WDR33: variants seen among roughly 807,000 people sequenced by gnomAD.
The protein encoded by WDR33 is WD repeat domain 33.
Under a neutral mutation model 164.9 loss-of-function variants are expected in WDR33, and 47 were observed. That is an observed-to-expected ratio of 0.29 (90% CI 0.23 to 0.36). The LOEUF (loss-of-function observed/expected upper bound fraction) is 0.36. Ranked by LOEUF, WDR33 falls within the 10% of genes least tolerant of loss-of-function variation. WDR33 has a pLI of 1.00. For missense variants in WDR33, 1,137 were observed against 1,754.1 expected (o/e 0.65, Z 6.28); for synonymous variants, 505 against 589.0 (o/e 0.86, Z 2.06).
At chr2:127,745,276 C>T (rs1687136306) in intron 7 of WDR33, among the ~76,000 whole-genome samples, 1 of 152,190 alleles carries the variant, frequency 6.6e-6, no homozygotes, top group Middle Eastern at 3.4e-3. Context: ...TCGATCCTTC[C>T]CAGAGAGAAT....
chr2:127,780,569 A>G (rs1688337325), intron 1 of WDR33, among the ~76,000 whole-genome samples: 1 of 152,220 alleles, frequency 6.6e-6, no homozygotes, highest in Admixed American at 6.5e-5. Flanking sequence ...AGCTGTTTAA[A>G]TAAGTAGGTT....
rs991305954 is a variant in WDR33 at position 127,762,423 on chromosome 2, C to T, written c.724+639G>A. On this transcript the variant is annotated intron_variant, in intron 7 of 21. Coordinates refer to ENST00000322313, the MANE Select transcript of WDR33 (RefSeq NM_018383.5). ...GATGTACTGTTAATATTTCAACAGT[C>T]CCACTTTATAAAGTCCAATATTCTA... 5.1e-6 allele frequency: 4 copies of T among 777,632 alleles called. No individual in the cohort carries two copies. In the African/African-American group the frequency reaches 7.6e-5, roughly 15 times the overall value. The allele number at this position is 777,632 out of a possible 1,614,324, so 48.2% of individuals were successfully genotyped here.
At chr2:127,792,696 T>A (rs895347682) in intron 1 of WDR33, among the ~76,000 whole-genome samples, 2 of 151,440 alleles carry the variant, frequency 1.3e-5, no homozygotes, top group Non-Finnish European at 3.0e-5. Flanking sequence ...AAAAAAGGTA[T>A]TATTACAAAT....
chr2:127,712,398 AAG>A lies in WDR33; in HGVS notation c.3308+1183_3308+1184del, dbSNP rs1189815694. The stretch of plus-strand genomic sequence containing the variant: ...CAACAGAGCAAGACTCCGTCTCAAG[AAG>A]AAAAAAAAAAAAAAAGAAATGGGAT... On this transcript the variant is annotated intron_variant, in intron 18 of 21. Transcript: ENST00000322313. This position sits in a 1 kb window ranked among gnomAD's most constrained non-coding sequence, Gnocchi z 4.0. 3.3e-5 allele frequency among the ~76,000 whole-genome samples: 5 copies of A among 150,268 alleles called. No homozygotes were observed. The highest frequency in any genetic ancestry group is 3.0e-5 in the Non-Finnish European group (2 of 67,560).
intron 1 of WDR33, among the ~76,000 whole-genome samples, chr2:127,801,625 C>A (rs965443574): frequency 1.3e-5 from 2 of 151,702 alleles, no homozygotes; most frequent in Non-Finnish European, 1.5e-5. Context: ...GTGGTTCATG[C>A]CTATCTCAGG....
chr2:127,737,819 CT>C, intron 7 of WDR33: 1 of 1,354,946 alleles, frequency 7.4e-7, no homozygotes, highest in South Asian at 1.9e-5. Context: ...GGATACACTT[CT>C]TTTTAATTGA....
intron 7 of WDR33, chr2:127,737,024 A>C: frequency 1.0e-6 from 1 of 985,416 alleles, no homozygotes; most frequent in Non-Finnish European, 1.2e-6. Context: ...AATGTGTGTC[A>C]ATCTTCTATA....
At chr2:127,729,996 T>C (rs1371791540) in intron 7 of WDR33, among the ~76,000 whole-genome samples, 2 of 152,178 alleles carry the variant, frequency 1.3e-5, no homozygotes, top group African/African-American at 4.8e-5. Context: ...ATGCATACCA[T>C]GTGTGTCTGA....
chr2:127,769,518 AAC>A (rs1353345462), intron 2 of WDR33, among the ~76,000 whole-genome samples: 4 of 152,188 alleles, frequency 2.6e-5, no homozygotes, highest in Non-Finnish European at 5.9e-5. Flanking sequence ...TGTCGACTCC[AAC>A]ACAGTCTCCC....
chr2:127,719,408 G>C lies in WDR33; in HGVS notation c.2617C>G (p.Pro873Ala), dbSNP rs1467986739. The change falls in exon 16 of 22, where the codon CCC becomes GCC. Residue 873 changes from proline to alanine, a missense_variant. By Grantham distance (27) the Pro-to-Ala change is conservative. Coordinates refer to ENST00000322313, the MANE Select transcript of WDR33 (RefSeq NM_018383.5). This position sits in a 1 kb window ranked among gnomAD's most constrained non-coding sequence, Gnocchi z 6.5. ...GPPQGSLGPP[P>A]QGGMQGPPGP... ...GGGGGTCCTTGCATGCCACCCTGGGGTGGAGGTCCTAAAGAGCCCTGGGGC... is the reference window on the plus strand; with the variant it reads ...GGGGGTCCTTGCATGCCACCCTGGGCTGGAGGTCCTAAAGAGCCCTGGGGC... 6.5e-7 allele frequency: 1 copy of C among 1,533,524 alleles called. No individual in the cohort carries two copies. The highest frequency in any genetic ancestry group is 1.4e-5 in the African/African-American group (1 of 72,068). 95.0% of individuals were successfully genotyped at this position (1,533,524 alleles called of 1,614,324 possible).
At position 127,709,230 on chromosome 2, in the gene WDR33, C is replaced by A. The variant is rs1686091774; in HGVS notation, c.3565+260G>T. 6.6e-6 allele frequency among the ~76,000 whole-genome samples: 1 copy of A among 152,332 alleles called. No homozygotes were observed. Among genetic ancestry groups the A allele is most frequent in the Admixed American group, 6.5e-5 (1 of 15,300 alleles). ...ACTGGGGAAATTTTAATTCACTTAA[C>A]TTTATTCTCCAAAAGCAATTTAGTG... On this transcript the variant is annotated intron_variant, in intron 20 of 21. Transcript: ENST00000322313. The surrounding 1 kb of genome is among the most constrained non-coding windows in gnomAD (Gnocchi z 5.0).
chr2:127,780,345 C>G (rs975559900), intron 1 of WDR33, among the ~76,000 whole-genome samples: 14 of 152,178 alleles, frequency 9.2e-5, no homozygotes, highest in African/African-American at 3.4e-4. Context: ...GTATAGTCCA[C>G]TAGGTTCTAA....
At chr2:127,798,461 C>G (rs1338873775) in intron 1 of WDR33, among the ~76,000 whole-genome samples, 2 of 148,862 alleles carry the variant, frequency 1.3e-5, no homozygotes, top group Admixed American at 6.7e-5. Context: ...TCCTAAAGAG[C>G]TGGTTGGCCC....
At chr2:127,801,998 T>A (rs1234233997) in intron 1 of WDR33, among the ~76,000 whole-genome samples, 3 of 149,030 alleles carry the variant, frequency 2.0e-5, no homozygotes, top group Non-Finnish European at 4.4e-5. Flanking sequence ...CTGGCCAACA[T>A]GGTAAAACCC....
chr2:127,734,883 A>T (rs1000109771), intron 7 of WDR33, among the ~76,000 whole-genome samples: 1 of 152,248 alleles, frequency 6.6e-6, no homozygotes, highest in Non-Finnish European at 1.5e-5. Flanking sequence ...CTATGTAACC[A>T]CACTTGAAAT....
chr2:127,774,660 T>C (rs1218421242), intron 1 of WDR33, among the ~76,000 whole-genome samples: 1 of 151,988 alleles, frequency 6.6e-6, no homozygotes, highest in Non-Finnish European at 1.5e-5. Context: ...AAACCCCGTC[T>C]CTACTAAAAA....
At chr2:127,780,224 C>T (rs377129903) in intron 1 of WDR33, among the ~76,000 whole-genome samples, 5 of 152,088 alleles carry the variant, frequency 3.3e-5, no homozygotes, top group South Asian at 2.1e-4. Context: ...CCGCCCACCT[C>T]GGCCTCCCAA....
Position 127,702,089 on chromosome 2 carries a change from G to A in WDR33, c.*4234C>T. ...CGCTGCTGGCCGCGCTGGTTGGGCTGCTGCCCTGGGGCGGCGGCACCGCGC... is the reference window on the plus strand; with the variant it reads ...CGCTGCTGGCCGCGCTGGTTGGGCTACTGCCCTGGGGCGGCGGCACCGCGC... On this transcript the variant is annotated 3_prime_UTR_variant, in exon 22 of 22. Transcript: ENST00000322313. The A allele has an allele frequency of 9.0e-6, 11 of 1,223,230 alleles. No homozygotes were observed. Among genetic ancestry groups the A allele is most frequent in the Non-Finnish European group, 1.1e-5 (11 of 985,098 alleles). 75.8% of individuals were successfully genotyped at this position (1,223,230 alleles called of 1,614,324 possible). A position where few individuals can be genotyped will look rare whatever the true frequency, so the allele number is the denominator to read the frequency against.
chr2:127,750,688 A>ATATATG (rs1687314575), intron 7 of WDR33, among the ~76,000 whole-genome samples: 1 of 50,950 alleles, frequency 2.0e-5, no homozygotes, highest in Non-Finnish European at 3.5e-5. Context: ...ATATATATAT[A>ATATATG]TATATATATA....
Sources: allele counts gnomAD v4.1 joint callset (sites outside exome capture counted in the v4.1 genomes callset), GRCh38; gene constraint gnomAD v4.1.1; non-coding constraint Gnocchi (gnomAD v3.1); transcripts MANE v1.5; gene names NCBI Gene and HGNC (gene_info 2026-07-23, HGNC 2026-07-21).